The following DIDO1 variants were observed in gnomAD, a reference collection of about 807,000 sequenced individuals.
DIDO1 encodes death inducer-obliterator 1, also known as death-inducer obliterator 1.
Under a neutral mutation model 99.4 loss-of-function variants are expected in DIDO1, and 16 were observed. The ratio of observed to expected loss-of-function variants is 0.16; its 90% CI spans 0.11 to 0.24. The LOEUF (loss-of-function observed/expected upper bound fraction) is 0.24, where lower values mean the gene tolerates loss of function less well. Among genes scored for constraint, DIDO1 ranks in the 10% least tolerant of loss-of-function variants. The pLI is 1.00. For synonymous variants in DIDO1, 1,366 were observed against 1,239.1 expected (o/e 1.10, Z -2.15); for missense variants, 2,996 against 3,014.0 (o/e 0.99, Z 0.14).
intron 12 of DIDO1, among the ~76,000 whole-genome samples, 155 bp from the exon 13 acceptor site, chr20:62,893,117 C>T (rs903161806): frequency 6.6e-6 from 1 of 152,108 alleles, no homozygotes; most frequent in Non-Finnish European, 1.5e-5. Flanking sequence ...TCTCCGCCTC[C>T]CAGGCTCAGG....
chr20:62,879,607 G>A lies in DIDO1; in HGVS notation c.6349C>T (p.Arg2117Cys), dbSNP rs777305607. The change falls in exon 16 of 16, where the codon CGC becomes TGC. Residue 2117 changes from arginine to cysteine, a missense_variant. Physicochemically the swap from Arg to Cys is radical, Grantham distance 180 (BLOSUM62 -3). Transcript: ENST00000395343. This position sits in a 1 kb window ranked among gnomAD's most constrained non-coding sequence, Gnocchi z 6.3. ...GRASEDRRRE[R>C]ERGRNWSRER... is the part of the protein sequence containing the mutation. ...CGGCTCCAGTTTCGGCCGCGCTCGC[G>A]CTCTCTCCTCCTGTCCTCGGACGCC... 3.1e-6 allele frequency: 5 copies of A among 1,604,262 alleles called. No homozygotes were observed. The highest frequency in any genetic ancestry group is 3.3e-5 in the Admixed American group (2 of 60,008).
chr20:62,929,764 T>G (rs866297729), upstream of DIDO1, among the ~76,000 whole-genome samples: 4 of 145,076 alleles, frequency 2.8e-5, no homozygotes, highest in Non-Finnish European at 6.0e-5. Context: ...TTTTGTTTTT[T>G]TTTTTTGAGA....
Position 62,879,366 on chromosome 20 carries a change from C to G in DIDO1, c.6590G>C (p.Arg2197Pro). 1 of 1,548,302 alleles carries G rather than the reference C, an allele frequency of 6.5e-7. No individual in the cohort carries two copies. The highest frequency in any genetic ancestry group is 1.2e-5 in the South Asian group (1 of 84,832). ...CCTGTCCCTGGCCTTGTCTCGGTCCCGCTCTCTGCTCCGGGACCGGTCCCG... is the reference window on the plus strand; with the variant it reads ...CCTGTCCCTGGCCTTGTCTCGGTCCGGCTCTCTGCTCCGGGACCGGTCCCG... Reference protein sequence around the residue: ...RDRDRSRSRERDRDKARDRER... With the variant: ...RDRDRSRSREPDRDKARDRER... Residue 2197 changes from arginine to proline, a missense_variant, in exon 16 of 16, where the codon CGG (arginine) becomes CCG (proline). Arg to Pro is a moderately radical substitution (Grantham distance 103, BLOSUM62 -2). Around this residue, in one of 5 missense-constraint regions of DIDO1, gnomAD observed 1,562 missense variants for 1,412.6 expected, o/e 1.11. Coordinates refer to ENST00000395343, the MANE Select transcript of DIDO1 (RefSeq NM_001193369.2). The surrounding 1 kb of genome is among the most constrained non-coding windows in gnomAD (Gnocchi z 6.3).
chr20:62,883,248 T>C (rs2064242788), intron 15 of DIDO1, among the ~76,000 whole-genome samples: 1 of 151,790 alleles, frequency 6.6e-6, no homozygotes, highest in Non-Finnish European at 1.5e-5. Context: ...AACTTAGGAG[T>C]TGCAACACAT....
At chr20:62,932,723 A>C (rs1250725346) in intron 1 of DIDO1, among the ~76,000 whole-genome samples, 1 of 152,254 alleles carries the variant, frequency 6.6e-6, no homozygotes, top group East Asian at 1.9e-4. Context: ...AAATAAAAAT[A>C]AAAATCAAGA....
chr20:62,879,007 ATTTCT>A lies in DIDO1; in HGVS notation c.*221_*225del, dbSNP rs929593488. 1.3e-5 allele frequency: 6 copies of A among 453,552 alleles called. No individual in the cohort carries two copies. Among genetic ancestry groups the A allele is most frequent in the African/African-American group, 2.0e-5 (1 of 48,914 alleles). 28.1% of individuals were successfully genotyped at this position (453,552 alleles called of 1,614,324 possible). A position where few individuals can be genotyped will look rare whatever the true frequency, so the allele number is the denominator to read the frequency against. On this transcript the variant is annotated 3_prime_UTR_variant, in exon 16 of 16. Coordinates refer to ENST00000395343, the MANE Select transcript of DIDO1 (RefSeq NM_001193369.2). The surrounding 1 kb of genome is among the most constrained non-coding windows in gnomAD (Gnocchi z 6.3). ...CAATATGCTCCGTAGGCAATTTCCCATTTCTTTTAATTTTAAATGGAAATATTAAA... is the reference window on the plus strand; with the variant it reads ...CAATATGCTCCGTAGGCAATTTCCCATTTAATTTTAAATGGAAATATTAAA...
intron 1 of DIDO1, among the ~76,000 whole-genome samples, chr20:62,934,469 T>A (rs1447725774): frequency 1.3e-5 from 2 of 152,116 alleles, no homozygotes; most frequent in Non-Finnish European, 2.9e-5. Flanking sequence ...GCGTTCCCTA[T>A]CCAGAGGATG....
At chr20:62,906,959 T>C (rs117953569) in intron 5 of DIDO1, among the ~76,000 whole-genome samples, 188 bp downstream of exon 5, 1,570 of 152,316 alleles carry the variant, frequency 0.01, 14 homozygotes, top group South Asian at 0.024. Flanking sequence ...TTGTGTTAAT[T>C]AACCCCTCAG....
At chr20:62,910,631 T>A in intron 3 of DIDO1, 143 bp downstream of exon 3, 3 of 1,020,956 alleles carry the variant, frequency 2.9e-6, no homozygotes, top group Non-Finnish European at 4.3e-6. Context: ...TAGCCACTCT[T>A]ATGTGTTTCT....
At chr20:62,928,461 G>A (rs890495948), upstream of DIDO1, among the ~76,000 whole-genome samples, 2 of 152,170 alleles carry the variant, frequency 1.3e-5, no homozygotes, top group African/African-American at 2.4e-5. Flanking sequence ...GGCCTGGCCA[G>A]ACTATCCACT....
Position 62,879,520 on chromosome 20 carries a change from C to G in DIDO1, c.6436G>C (p.Asp2146His). The change falls in exon 16 of 16, where the codon GAC becomes CAC. Residue 2146 changes from aspartate (D) to histidine (H), a missense_variant. This residue lies in a region of DIDO1 where 1,562 missense variants were observed against 1,412.6 expected (regional missense o/e 1.11). Coordinates refer to ENST00000395343, the MANE Select transcript of DIDO1 (RefSeq NM_001193369.2). This position sits in a 1 kb window ranked among gnomAD's most constrained non-coding sequence, Gnocchi z 6.3. The part of the protein sequence containing the change: ...DRHRDKDSSR[D>H]WDRNRERSAN... ...CTCCTCTCCCGGTTTCTGTCCCAGT[C>G]CCGGCTGGAGTCCTTGTCCCGGTGT... The G allele has an allele frequency of 6.3e-7, 1 of 1,599,458 alleles. No homozygotes were observed. The highest frequency in any genetic ancestry group is 2.2e-5 in the East Asian group (1 of 44,808).
In DIDO1 at chr20:62,881,059, C is replaced by T. The variant is rs751663548; in HGVS notation, c.4897G>A (p.Gly1633Ser). ...CCCTCCCCAGGCTCTGCCTTCCAGC[C>T]GTCCTGCTCGGACCCCGCTGGGGGC... ...EKPPAGSEQD[G>S]WKAEPGEGTR... The change falls in exon 16 of 16, where the codon GGC becomes AGC. Residue 1633 changes from glycine (G) to serine (S), a missense_variant. Gly to Ser is a moderately conservative substitution (Grantham distance 56). Coordinates refer to ENST00000395343, the MANE Select transcript of DIDO1 (RefSeq NM_001193369.2). The surrounding 1 kb of genome is among the most constrained non-coding windows in gnomAD (Gnocchi z 8.3). The T allele has an allele frequency of 3.7e-6, 6 of 1,607,164 alleles. No individual in the cohort carries two copies. The highest frequency in any genetic ancestry group is 2.2e-5 in the East Asian group (1 of 44,840).
intron 4 of DIDO1, among the ~76,000 whole-genome samples, chr20:62,909,453 T>C (rs1235328477): frequency 2.6e-5 from 4 of 152,220 alleles, no homozygotes; most frequent in Non-Finnish European, 4.4e-5. Context: ...ATACAAAGCA[T>C]GTAAGCAACA....
At chr20:62,929,450 G>C (rs2065301804), upstream of DIDO1, among the ~76,000 whole-genome samples, 1 of 152,088 alleles carries the variant, frequency 6.6e-6, no homozygotes, top group African/African-American at 2.4e-5. Context: ...GCAGGATGGA[G>C]GCCTGCAGGG....
rs1437753635 is a variant in DIDO1 at position 62,924,572 on chromosome 20, G to A, written c.-200+1867C>T. On this transcript the variant is annotated intron_variant, in intron 1 of 15. Coordinates refer to ENST00000395343, the MANE Select transcript of DIDO1 (RefSeq NM_001193369.2). ...AGAAAAACTCACAGTATCAACAGCA[G>A]AACCTGCCAACTTCACCGCGAACAA... 2.0e-5 allele frequency among the ~76,000 whole-genome samples: 3 copies of A among 152,286 alleles called. No homozygotes were observed. In the East Asian group the frequency reaches 5.8e-4, roughly 29 times the overall value.
In DIDO1 at chr20:62,932,349, C is replaced by T. The variant is rs79342142; in HGVS notation, c.-200+5447G>A. ...TCTACTTCTACCTGCCCATCAGACA[C>T]GTGATCACAACAGCTGCATGCATAC... is the stretch of plus-strand genomic sequence containing the variant. On this transcript the variant is annotated intron_variant, in intron 1 of 15. Transcript: ENST00000266070. Among the ~76,000 whole-genome samples the T allele has an allele frequency of 6.0e-3, 919 of 152,314 alleles. 8 individuals are homozygous for T. Among genetic ancestry groups the T allele is most frequent in the African/African-American group, 0.021 (873 of 41,568 alleles).
At position 62,899,625 on chromosome 20, in the gene DIDO1, G is replaced by C. The variant is rs573435802; in HGVS notation, c.1589-2629C>G. ...ATTAACGTAATTTATTTTAAAAGCA[G>C]GAAATAGCTTTCCTTAACCATTGCT... On this transcript the variant is annotated intron_variant, in intron 6 of 15. Coordinates refer to ENST00000395343, the MANE Select transcript of DIDO1 (RefSeq NM_001193369.2). Among the ~76,000 whole-genome samples, 3 of 152,294 alleles carry C rather than the reference G, an allele frequency of 2.0e-5. No individual in the cohort carries two copies. In the South Asian group the frequency reaches 6.2e-4, roughly 32 times the overall value.
At chr20:62,936,845 G>C (rs771156080) in intron 1 of DIDO1, among the ~76,000 whole-genome samples, 9 of 152,284 alleles carry the variant, frequency 5.9e-5, no homozygotes, top group Non-Finnish European at 1.0e-4. Flanking sequence ...GCCTGGGCGA[G>C]AGTGAGACTT....
upstream of DIDO1, among the ~76,000 whole-genome samples, chr20:62,927,293 G>A (rs2065273046): frequency 6.6e-6 from 1 of 152,232 alleles, no homozygotes; most frequent in African/African-American, 2.4e-5. Flanking sequence ...TGCCCACAGG[G>A]GTTGGAGGGA....
Sources: gnomAD v4.1 joint callset for allele counts (sites outside exome capture counted in the v4.1 genomes callset) on GRCh38, gnomAD v4.1.1 for gene constraint, gnomAD v4.1.1 regional missense constraint, Gnocchi (gnomAD v3.1) non-coding constraint, MANE v1.5 for transcripts, NCBI Gene and HGNC (gene_info 2026-07-23, HGNC 2026-07-21) for gene names.